Variants in ST6GALNAC5 observed in about 807,000 individuals in gnomAD.
ST6GALNAC5 encodes ST6 N-acetylgalactosaminide alpha-2,6-sialyltransferase 5.
In ST6GALNAC5, 27 loss-of-function variants were observed where a neutral mutation model predicts 33.6. The ratio of observed to expected loss-of-function variants is 0.80; its 90% confidence interval spans 0.59 to 1.11. ST6GALNAC5 has a LOEUF of 1.11. Among genes scored for constraint, ST6GALNAC5 ranks in the 50% least tolerant of loss-of-function variants. The pLI is 0.00. For missense variants in ST6GALNAC5, 428 were observed against 454.0 expected, an observed-to-expected ratio of 0.94 and a Z score of 0.52; for synonymous variants, 194 against 171.2, an observed-to-expected ratio of 1.13 and a Z score of -1.04.
At chr1:77,045,419 G>T (rs1570133110) in intron 3 of ST6GALNAC5, among the ~76,000 whole-genome samples, 1 of 152,320 alleles carries the variant, frequency 6.6e-6, no homozygotes, top group Non-Finnish European at 1.5e-5. Flanking sequence ...TGATGAAAAT[G>T]TTCTGAAATT....
Position 76,908,654 on chromosome 1 carries a change from G to T in ST6GALNAC5, c.261+39912G>T, listed in dbSNP as rs184626385. On this transcript the variant is annotated intron_variant, in intron 2 of 4. Transcript: ENST00000477717. ...GGACACCTAGGTTAGACCTTTGCCT[G>T]TGTGCTTCCCTAGCACCTTCCACTC... Among the ~76,000 whole-genome samples, 57 of 152,200 alleles carry T rather than the reference G, an allele frequency of 3.7e-4. 1 individual carries two copies. The East Asian group carries it at 8.9e-3, about 24-fold the overall frequency.
intron 2 of ST6GALNAC5, among the ~76,000 whole-genome samples, chr1:77,009,096 C>T (rs929520095): frequency 1.3e-5 from 2 of 152,306 alleles, no homozygotes; most frequent in Non-Finnish European, 2.9e-5. Flanking sequence ...AGCCCATCCA[C>T]CACCACCACA....
chr1:77,018,836 A>G (rs1650948631), intron 2 of ST6GALNAC5, among the ~76,000 whole-genome samples: 1 of 152,224 alleles, frequency 6.6e-6, no homozygotes, highest in Admixed American at 6.5e-5. Flanking sequence ...TCATTCTTAA[A>G]TATCTTGTTT....
chr1:76,985,817 C>T (rs1649472812), intron 2 of ST6GALNAC5, among the ~76,000 whole-genome samples: 1 of 152,174 alleles, frequency 6.6e-6, no homozygotes, highest in African/African-American at 2.4e-5. Flanking sequence ...ATATATAGAC[C>T]AATGGAACAG....
At chr1:76,951,261 G>A (rs769318814) in intron 2 of ST6GALNAC5, among the ~76,000 whole-genome samples, 17 of 152,138 alleles carry the variant, frequency 1.1e-4, no homozygotes, top group Non-Finnish European at 1.9e-4. Context: ...CTTTAAAGAG[G>A]AGCAGAGCTG....
chr1:76,947,414 C>T lies in ST6GALNAC5; in HGVS notation c.261+78672C>T, dbSNP rs530753494. Among the ~76,000 whole-genome samples, 9 of 152,194 alleles carry T rather than the reference C, an allele frequency of 5.9e-5. No homozygotes were observed. The South Asian group carries it at 1.9e-3, about 32-fold the overall frequency. The stretch of plus-strand genomic sequence containing the variant: ...AAGTTTTTCCTAGTATACACTACAA[C>T]AACAACAAAAGGAACATTACAAAAA... On this transcript the variant is annotated intron_variant, in intron 2 of 4. Transcript: ENST00000477717.
rs28474786 is a variant in ST6GALNAC5, at chr1:76,915,515, A to G, written c.261+46773A>G. Reference sequence around the variant, plus strand: ...ACACCATGGAATACTACGCAGCCATAAAAAATGATGAGTTCCTGTCCTTTG... The same window carrying G: ...ACACCATGGAATACTACGCAGCCATGAAAAATGATGAGTTCCTGTCCTTTG... On this transcript the variant is annotated intron_variant, in intron 2 of 4. Transcript: ENST00000477717. 4.3e-3 allele frequency among the ~76,000 whole-genome samples: 649 copies of G among 152,336 alleles called. 11 individuals are homozygous for G. The highest frequency in any genetic ancestry group is 0.015 in the African/African-American group (605 of 41,564).
chr1:76,929,643 A>G (rs993922923), intron 2 of ST6GALNAC5, among the ~76,000 whole-genome samples: 3 of 152,180 alleles, frequency 2.0e-5, no homozygotes, highest in African/African-American at 7.2e-5. Flanking sequence ...GCTGCTAGCC[A>G]CATGTGGCTG....
At chr1:77,041,228 G>C (rs945793441) in intron 2 of ST6GALNAC5, among the ~76,000 whole-genome samples, 1 of 152,014 alleles carries the variant, frequency 6.6e-6, no homozygotes, top group Non-Finnish European at 1.5e-5. Context: ...CACCTCTCTG[G>C]CTCTTCTGGA....
chr1:76,884,125 A>AGAG (rs1653842655), intron 2 of ST6GALNAC5, among the ~76,000 whole-genome samples: 3 of 152,180 alleles, frequency 2.0e-5, no homozygotes, highest in Admixed American at 2.0e-4. Context: ...AGTAAGTGGC[A>AGAG]CAGCCAGAGG....
At chr1:76,970,086 A>G (rs1648682779) in intron 2 of ST6GALNAC5, among the ~76,000 whole-genome samples, 1 of 152,124 alleles carries the variant, frequency 6.6e-6, no homozygotes, top group African/African-American at 2.4e-5. Flanking sequence ...GAAAACCAAA[A>G]AGATGAGGAG....
chr1:76,882,291 CT>C (rs1653799571), intron 2 of ST6GALNAC5, among the ~76,000 whole-genome samples: 1 of 152,084 alleles, frequency 6.6e-6, no homozygotes, highest in Admixed American at 6.6e-5. Flanking sequence ...GAGTGTCATG[CT>C]TAATTATCTG....
intron 2 of ST6GALNAC5, among the ~76,000 whole-genome samples, chr1:76,880,591 G>A (rs564327020): frequency 3.9e-5 from 6 of 152,268 alleles, no homozygotes; most frequent in South Asian, 4.2e-4. Flanking sequence ...TCCAGTGTTC[G>A]AGGGCAGGAA....
At chr1:77,028,141 C>A (rs73005304) in intron 2 of ST6GALNAC5, among the ~76,000 whole-genome samples, 3,686 of 152,320 alleles carry the variant, frequency 0.024, 74 homozygotes, top group African/African-American at 0.06. Context: ...GCCTCAAATT[C>A]TTTAACCCTT....
intron 2 of ST6GALNAC5, among the ~76,000 whole-genome samples, chr1:77,023,920 G>C (rs1168752210): frequency 6.6e-6 from 1 of 152,172 alleles, no homozygotes; most frequent in African/African-American, 2.4e-5. Context: ...AAGCCCGCAT[G>C]GGTTTGCTTC....
At chr1:77,057,482 T>C (rs914329072) in intron 4 of ST6GALNAC5, among the ~76,000 whole-genome samples, 3 of 152,166 alleles carry the variant, frequency 2.0e-5, no homozygotes, top group Non-Finnish European at 1.5e-5. Flanking sequence ...AGGAAGTGGA[T>C]AGCTGTGAAG....
intron 4 of ST6GALNAC5, among the ~76,000 whole-genome samples, chr1:77,052,250 A>C (rs1427931054): frequency 6.6e-6 from 1 of 152,198 alleles, no homozygotes; most frequent in Non-Finnish European, 1.5e-5. Flanking sequence ...TCAGTGCTGG[A>C]GAGAGCATTC....
chr1:76,948,617 GAGAGA>G (rs1647621914), intron 2 of ST6GALNAC5, among the ~76,000 whole-genome samples: 1 of 140,928 alleles, frequency 7.1e-6, no homozygotes, highest in Admixed American at 7.1e-5. Context: ...GAGAGAGAGA[GAGAGA>G]GAGAACTACT....
intron 2 of ST6GALNAC5, among the ~76,000 whole-genome samples, chr1:76,998,562 A>G (rs1235373259): frequency 6.6e-6 from 1 of 152,210 alleles, no homozygotes; most frequent in Non-Finnish European, 1.5e-5. Context: ...ACTGAGAAGC[A>G]GAATGTAAAG....
Sources: gnomAD v4.1 joint callset for allele counts (sites outside exome capture counted in the v4.1 genomes callset) on GRCh38, gnomAD v4.1.1 for gene constraint, MANE v1.5 for transcripts, NCBI Gene and HGNC (gene_info 2026-07-23, HGNC 2026-07-21) for gene names.